Variants in ACKR3 observed in about 807,000 individuals in gnomAD.
The protein encoded by ACKR3 is C-X-C chemokine receptor type 7.
ACKR3 carries 6 observed loss-of-function variants against 22.4 expected under a neutral mutation model. That is an observed-to-expected ratio of 0.27 (90% CI 0.15 to 0.53). The LOEUF (loss-of-function observed/expected upper bound fraction) is 0.53. ACKR3 is among the 20% of genes least tolerant of loss of function. ACKR3 has a pLI of 0.96. For synonymous variants in ACKR3, 209 were observed against 205.2 expected, an observed-to-expected ratio of 1.02 and a Z score of -0.16; for missense variants, 396 against 475.2, an observed-to-expected ratio of 0.83 and a Z score of 1.55.
chr2:236,553,133 G>A, the ACKR3 span, among the ~76,000 whole-genome samples: 1 of 152,164 alleles, frequency 6.6e-6, no homozygotes, highest in Non-Finnish European at 1.5e-5. Flanking sequence ...CCAGTTGCCT[G>A]CGGTTGGCTG....
At chr2:236,579,206 C>A (rs1328614986) in intron 1 of ACKR3, among the ~76,000 whole-genome samples, 2 of 152,192 alleles carry the variant, frequency 1.3e-5, no homozygotes, top group Non-Finnish European at 2.9e-5. Context: ...TGTCCTTGAT[C>A]CTCCAGGAAA....
At chr2:236,550,887 G>A in the ACKR3 span, among the ~76,000 whole-genome samples, 12 of 152,140 alleles carry the variant, frequency 7.9e-5, no homozygotes, top group Non-Finnish European at 1.5e-4. The surrounding 1 kb of genome is among the most constrained non-coding windows in gnomAD (Gnocchi z 4.6). Flanking sequence ...CGGCTGCCCC[G>A]GCTGGGTGGC....
the ACKR3 span, among the ~76,000 whole-genome samples, chr2:236,561,942 C>T: frequency 2.1e-3 from 314 of 152,306 alleles, no homozygotes; most frequent in Non-Finnish European, 3.6e-3. Context: ...TCTTTCTTTC[C>T]AATCCATATG....
chr2:236,537,667 G>A, the ACKR3 span, among the ~76,000 whole-genome samples: 8 of 152,128 alleles, frequency 5.3e-5, no homozygotes, highest in Admixed American at 5.2e-4. Flanking sequence ...GCCTCTTTAC[G>A]TGGCTGCTTT....
the ACKR3 span, among the ~76,000 whole-genome samples, chr2:236,539,593 A>G: frequency 6.6e-6 from 1 of 152,142 alleles, no homozygotes; most frequent in African/African-American, 2.4e-5. Context: ...GATTATAGGC[A>G]TGAGCATCCG....
In ACKR3 at chr2:236,577,855, G is replaced by T. The variant is rs188363123; in HGVS notation, c.-26-2585G>T. On this transcript the variant is annotated intron_variant, in intron 1 of 1. Coordinates refer to ENST00000272928, the MANE Select transcript of ACKR3 (RefSeq NM_020311.3). This position sits in a 1 kb window ranked among gnomAD's most constrained non-coding sequence, Gnocchi z 5.6. Reference sequence around the variant, plus strand: ...TGTGCCAGTGGGGACAGAGCAGGGAGCCCAAGCCAGGCGCCAGCCGAGCTC... The same window carrying T: ...TGTGCCAGTGGGGACAGAGCAGGGATCCCAAGCCAGGCGCCAGCCGAGCTC... Among the ~76,000 whole-genome samples, 1,361 of 152,360 alleles carry T rather than the reference G, an allele frequency of 8.9e-3. 10 individuals carry two copies. The highest frequency in any genetic ancestry group is 0.015 in the South Asian group (73 of 4,826).
At chr2:236,575,248 G>T (rs183875824) in intron 1 of ACKR3, among the ~76,000 whole-genome samples, 1 of 152,248 alleles carries the variant, frequency 6.6e-6, no homozygotes, top group East Asian at 1.9e-4. Context: ...GTCTCCTTTT[G>T]TTCCCTCCTC....
At chr2:236,566,597 G>A (rs1574970036), upstream of ACKR3, among the ~76,000 whole-genome samples, 1 of 152,182 alleles carries the variant, frequency 6.6e-6, no homozygotes, top group East Asian at 1.9e-4. Context: ...GAATACTGCA[G>A]AGCGTCACTC....
At chr2:236,545,335 C>T in the ACKR3 span, among the ~76,000 whole-genome samples, 1 of 152,154 alleles carries the variant, frequency 6.6e-6, no homozygotes, top group Non-Finnish European at 1.5e-5. This position sits in a 1 kb window ranked among gnomAD's most constrained non-coding sequence, Gnocchi z 5.3. Context: ...GATCCAGAGC[C>T]CTCCTTCTGT....
chr2:236,550,400 T>C, the ACKR3 span, among the ~76,000 whole-genome samples: 27 of 152,340 alleles, frequency 1.8e-4, no homozygotes, highest in South Asian at 6.2e-4. The surrounding 1 kb of genome is among the most constrained non-coding windows in gnomAD (Gnocchi z 4.6). Flanking sequence ...TCAGTTTCCA[T>C]TGGTGTAGTT....
chr2:236,580,316 G>A (rs1362453180), intron 1 of ACKR3, 124 bp from the exon 2 acceptor site: 1 of 959,704 alleles, frequency 1.0e-6, no homozygotes, highest in East Asian at 2.5e-5. Context: ...AGACATTACA[G>A]AGCTAAACCC....
At chr2:236,550,335 G>A in the ACKR3 span, among the ~76,000 whole-genome samples, 8 of 152,224 alleles carry the variant, frequency 5.3e-5, no homozygotes, top group Non-Finnish European at 8.8e-5. The surrounding 1 kb of genome is among the most constrained non-coding windows in gnomAD (Gnocchi z 4.6). Flanking sequence ...ACCCGGCTGC[G>A]CACACATCTG....
chr2:236,546,097 G>C, the ACKR3 span, among the ~76,000 whole-genome samples: 2 of 152,202 alleles, frequency 1.3e-5, no homozygotes, highest in Non-Finnish European at 2.9e-5. This position sits in a 1 kb window ranked among gnomAD's most constrained non-coding sequence, Gnocchi z 4.9. Context: ...AAGCACCAAC[G>C]ATGCGATGTT....
Position 236,580,430 on chromosome 2 carries a change from T to C in ACKR3, c.-26-10T>C. 1 of 1,568,804 alleles carries C rather than the reference T, an allele frequency of 6.4e-7. No individual in the cohort carries two copies. Among genetic ancestry groups the C allele is most frequent in the Non-Finnish European group, 8.7e-7 (1 of 1,155,134 alleles). ...CTTCCATCTTTTTTGTTTGCTTGGT[T>C]TTCTCATAGGTCATTTGATTGCCCG... On this transcript the variant is annotated splice_polypyrimidine_tract_variant and intron_variant, in intron 1 of 1. Transcript: ENST00000272928.
the ACKR3 span, among the ~76,000 whole-genome samples, chr2:236,557,649 T>G: frequency 6.6e-6 from 1 of 152,176 alleles, no homozygotes; most frequent in Non-Finnish European, 1.5e-5. Context: ...AATAAACAGA[T>G]GAATAAATTG....
At chr2:236,555,010 T>C in the ACKR3 span, among the ~76,000 whole-genome samples, 1 of 152,178 alleles carries the variant, frequency 6.6e-6, no homozygotes, top group Admixed American at 6.5e-5. Context: ...TCCTCAGGGT[T>C]TAAATCTCAA....
the ACKR3 span, among the ~76,000 whole-genome samples, chr2:236,560,316 C>CTT: frequency 0.083 from 9,905 of 118,758 alleles, 555 homozygotes; most frequent in African/African-American, 0.1. Flanking sequence ...CACTTGTTGC[C>CTT]TTTTTTTTTT....
chr2:236,563,440 G>A (rs1158972918), upstream of ACKR3, among the ~76,000 whole-genome samples: 1 of 152,062 alleles, frequency 6.6e-6, no homozygotes, highest in Non-Finnish European at 1.5e-5. Flanking sequence ...TAAGTGCCAC[G>A]AAAAAATAGG....
chr2:236,571,344 G>C (rs1460864793), intron 1 of ACKR3, among the ~76,000 whole-genome samples: 1 of 152,158 alleles, frequency 6.6e-6, no homozygotes, highest in Non-Finnish European at 1.5e-5. Flanking sequence ...TGGGGGGAGG[G>C]GAAAGCTGCC....
Sources: gnomAD v4.1 joint callset for allele counts (sites outside exome capture counted in the v4.1 genomes callset) on GRCh38, gnomAD v4.1.1 for gene constraint, Gnocchi (gnomAD v3.1) non-coding constraint, MANE v1.5 for transcripts, NCBI Gene and HGNC (gene_info 2026-07-23, HGNC 2026-07-21) for gene names.